The following SPOCK3 variants were observed in gnomAD, a reference collection of about 807,000 sequenced individuals.
SPOCK3 encodes SPARC (osteonectin), cwcv and kazal like domains proteoglycan 3, also known as testican-3.
Under a neutral mutation model 56.6 loss-of-function variants are expected in SPOCK3, and 30 were observed. The ratio of observed to expected loss-of-function variants is 0.53; its 90% CI spans 0.40 to 0.72. The LOEUF is 0.72. SPOCK3 is among the 30% of genes least tolerant of loss of function. The probability of loss-of-function intolerance (pLI) is 0.00; values close to 1 mark genes in which losing one functional copy is unlikely to be tolerated. For synonymous variants in SPOCK3, 196 were observed against 183.3 expected, an observed-to-expected ratio of 1.07 and a Z score of -0.56; for missense variants, 527 against 530.0, an observed-to-expected ratio of 0.99 and a Z score of 0.06.
intron 4 of SPOCK3, among the ~76,000 whole-genome samples, chr4:166,989,096 C>T (rs1221120688): frequency 6.6e-6 from 1 of 152,072 alleles, no homozygotes; most frequent in Non-Finnish European, 1.5e-5. Flanking sequence ...TCTACCCCTA[C>T]AGATGTATTA....
chr4:167,077,015 A>G (rs1321283099), intron 2 of SPOCK3, among the ~76,000 whole-genome samples: 1 of 151,886 alleles, frequency 6.6e-6, no homozygotes, highest in Non-Finnish European at 1.5e-5. Context: ...TATGCATGGA[A>G]TTGAGTTGAT....
intron 4 of SPOCK3, among the ~76,000 whole-genome samples, chr4:166,970,611 C>T (rs571378125): frequency 6.6e-6 from 1 of 152,098 alleles, no homozygotes; most frequent in Admixed American, 6.5e-5. Context: ...GTAATCCCAG[C>T]TACTTGGGAG....
At chr4:167,144,649 T>C (rs1763790412) in intron 2 of SPOCK3, among the ~76,000 whole-genome samples, 2 of 148,056 alleles carry the variant, frequency 1.4e-5, no homozygotes, top group Non-Finnish European at 3.0e-5. Context: ...AAGAGAAAAG[T>C]GGAAGCTTGT....
At chr4:166,841,400 A>C (rs1357062895) in intron 6 of SPOCK3, among the ~76,000 whole-genome samples, 2 of 152,212 alleles carry the variant, frequency 1.3e-5, no homozygotes, top group Non-Finnish European at 2.9e-5. Context: ...AGAATTACAA[A>C]TTGTCATTTT....
intron 6 of SPOCK3, among the ~76,000 whole-genome samples, chr4:166,857,534 C>A (rs549017644): frequency 5.3e-5 from 8 of 152,326 alleles, no homozygotes; most frequent in African/African-American, 1.9e-4. Flanking sequence ...TGGACCCAAA[C>A]TTGTTCAACA....
At chr4:167,220,446 A>G (rs1254177038) in intron 2 of SPOCK3, among the ~76,000 whole-genome samples, 3 of 146,472 alleles carry the variant, frequency 2.0e-5, no homozygotes, top group African/African-American at 7.6e-5. Context: ...TGGTGTGATC[A>G]CGGCTCACTG....
chr4:167,228,321 TCTTA>T (rs1320466088), intron 2 of SPOCK3, among the ~76,000 whole-genome samples: 4 of 152,156 alleles, frequency 2.6e-5, no homozygotes, highest in Non-Finnish European at 4.4e-5. Context: ...AATTTGTTTC[TCTTA>T]CTTACACTTT....
At chr4:166,858,485 A>G (rs886753567) in intron 6 of SPOCK3, among the ~76,000 whole-genome samples, 1 of 152,172 alleles carries the variant, frequency 6.6e-6, no homozygotes, top group African/African-American at 2.4e-5. Context: ...GTAAGTACAG[A>G]GTAAATAGGC....
chr4:166,803,700 G>C (rs1191139863), intron 6 of SPOCK3, among the ~76,000 whole-genome samples: 1 of 152,016 alleles, frequency 6.6e-6, no homozygotes, highest in Non-Finnish European at 1.5e-5. Flanking sequence ...AATATCTGCT[G>C]ATCTTTTCTA....
intron 6 of SPOCK3, among the ~76,000 whole-genome samples, chr4:166,840,561 C>T (rs1185299072): frequency 6.6e-6 from 1 of 151,936 alleles, no homozygotes; most frequent in African/African-American, 2.4e-5. Context: ...TTGTCAGCTC[C>T]AAGTCTTGTT....
chr4:166,850,775 T>A (rs1037064324), intron 6 of SPOCK3, among the ~76,000 whole-genome samples: 4 of 152,148 alleles, frequency 2.6e-5, no homozygotes, highest in Non-Finnish European at 5.9e-5. Flanking sequence ...TAAAAAACGG[T>A]GCAACAGGAG....
intron 4 of SPOCK3, among the ~76,000 whole-genome samples, chr4:166,962,001 G>A (rs1561060326): frequency 6.6e-6 from 1 of 152,004 alleles, no homozygotes; most frequent in Non-Finnish European, 1.5e-5. Flanking sequence ...AGCTCCCATA[G>A]GCTGCCTCCA....
intron 4 of SPOCK3, among the ~76,000 whole-genome samples, chr4:166,961,781 A>C (rs1017056316): frequency 1.3e-5 from 2 of 152,170 alleles, no homozygotes; most frequent in Non-Finnish European, 2.9e-5. Context: ...TATTATTTTA[A>C]TTGTTAAACT....
At chr4:167,060,078 C>A (rs1026930566) in intron 3 of SPOCK3, among the ~76,000 whole-genome samples, 1 of 151,624 alleles carries the variant, frequency 6.6e-6, no homozygotes, top group African/African-American at 2.4e-5. Context: ...GTGCAGCACA[C>A]CAGCATGGCA....
At chr4:167,063,514 G>A (rs1479644883) in intron 2 of SPOCK3, among the ~76,000 whole-genome samples, 4 of 151,842 alleles carry the variant, frequency 2.6e-5, no homozygotes, top group Non-Finnish European at 5.9e-5. Context: ...GAATTCAAAA[G>A]GGGTCAGCAG....
At chr4:167,131,582 G>A (rs1002902721) in intron 2 of SPOCK3, among the ~76,000 whole-genome samples, 3 of 151,962 alleles carry the variant, frequency 2.0e-5, no homozygotes, top group East Asian at 3.9e-4. Context: ...CAGCCTGGGC[G>A]ACAGAGCAAG....
At chr4:167,177,056 T>C (rs1441795743) in intron 2 of SPOCK3, among the ~76,000 whole-genome samples, 1 of 152,120 alleles carries the variant, frequency 6.6e-6, no homozygotes, top group Non-Finnish European at 1.5e-5. Context: ...CACTAACCTC[T>C]ACCAAATAGG....
intron 7 of SPOCK3, among the ~76,000 whole-genome samples, chr4:166,788,395 T>C (rs1740968396): frequency 6.6e-6 from 1 of 152,138 alleles, no homozygotes. Flanking sequence ...CACTATCTAA[T>C]CTAACATCTA....
At chr4:167,161,731 T>C (rs1765329554) in intron 2 of SPOCK3, among the ~76,000 whole-genome samples, 1 of 151,978 alleles carries the variant, frequency 6.6e-6, no homozygotes, top group Admixed American at 6.6e-5. Context: ...TGAGTTCATG[T>C]CCTTTGTAGG....
Sources: gnomAD v4.1 joint callset for allele counts (sites outside exome capture counted in the v4.1 genomes callset) on GRCh38, gnomAD v4.1.1 for gene constraint, MANE v1.5 for transcripts, NCBI Gene and HGNC (gene_info 2026-07-23, HGNC 2026-07-21) for gene names.